The following CNTN4 variants were observed in gnomAD, a reference collection of about 807,000 sequenced individuals.
CNTN4 encodes contactin-4.
CNTN4 carries 77 observed loss-of-function variants against 122.5 expected under a neutral mutation model. The observed-to-expected ratio is 0.63, with a 90% CI of 0.52 to 0.76. The LOEUF (loss-of-function observed/expected upper bound fraction) is 0.76, where lower values mean the gene tolerates loss of function less well. Ranked by LOEUF, CNTN4 falls within the 30% of genes least tolerant of loss-of-function variation. The pLI, the probability that CNTN4 is intolerant of heterozygous loss-of-function variation, is 0.00. For synonymous variants in CNTN4, 512 were observed against 447.0 expected (o/e 1.15, Z -1.83); for missense variants, 1,256 against 1,259.1 (o/e 1.00, Z 0.04).
At chr3:2,658,763 G>A (rs1032030084) in intron 4 of CNTN4, among the ~76,000 whole-genome samples, 2 of 152,042 alleles carry the variant, frequency 1.3e-5, no homozygotes, top group African/African-American at 4.8e-5. Flanking sequence ...TTAGAGAGGT[G>A]GAGTGACTTG....
intron 6 of CNTN4, among the ~76,000 whole-genome samples, chr3:2,747,253 CA>C (rs1211230142): frequency 8.6e-5 from 13 of 150,894 alleles, no homozygotes; most frequent in Non-Finnish European, 1.6e-4. Flanking sequence ...ACTAAAAATA[CA>C]AAAAATTAGC....
chr3:2,874,433 T>G (rs902158965), intron 8 of CNTN4, among the ~76,000 whole-genome samples: 1 of 152,194 alleles, frequency 6.6e-6, no homozygotes, highest in Non-Finnish European at 1.5e-5. Flanking sequence ...CAGAGGTGTT[T>G]AGCCTAGAAT....
rs146061749 is a variant in CNTN4, at chr3:2,535,532, C to A, written c.-88-35884C>A. 8.0e-3 allele frequency among the ~76,000 whole-genome samples: 1,221 copies of A among 152,220 alleles called. 13 individuals are homozygous for A. The highest frequency in any genetic ancestry group is 0.028 in the African/African-American group (1,159 of 41,544). On this transcript the variant is annotated intron_variant, in intron 3 of 24. Transcript: ENST00000418658. ...TGACGTCAAGGCCCTCCACTTGCCTCTTTAGAGACTTGCTTGCTTTTTGTT... is the reference window on the plus strand; with the variant it reads ...TGACGTCAAGGCCCTCCACTTGCCTATTTAGAGACTTGCTTGCTTTTTGTT...
At chr3:2,797,815 G>A (rs1425004163) in intron 6 of CNTN4, among the ~76,000 whole-genome samples, 3 of 151,744 alleles carry the variant, frequency 2.0e-5, no homozygotes, top group Non-Finnish European at 2.9e-5. Flanking sequence ...AAAATTCTAG[G>A]GTGTTAACAA....
chr3:2,170,220 T>C (rs554392527), intron 2 of CNTN4, among the ~76,000 whole-genome samples: 2 of 151,708 alleles, frequency 1.3e-5, no homozygotes, highest in East Asian at 3.9e-4. Context: ...CTCGGGAGGC[T>C]GAGGCGGGAG....
intron 3 of CNTN4, among the ~76,000 whole-genome samples, chr3:2,562,975 G>C (rs571948423): frequency 1.3e-5 from 2 of 152,128 alleles, no homozygotes; most frequent in East Asian, 3.9e-4. Flanking sequence ...CAGTCCTCCT[G>C]CCTCAGCTTC....
chr3:2,715,841 TA>T (rs1454511362), intron 4 of CNTN4, among the ~76,000 whole-genome samples: 1 of 152,222 alleles, frequency 6.6e-6, no homozygotes, highest in African/African-American at 2.4e-5. Flanking sequence ...CATTTAACCT[TA>T]ATTACTTCCT....
intron 2 of CNTN4, among the ~76,000 whole-genome samples, chr3:2,248,944 G>C (rs1037606747): frequency 6.6e-6 from 1 of 151,794 alleles, no homozygotes; most frequent in Non-Finnish European, 1.5e-5. Flanking sequence ...GTATTCCCTC[G>C]TACCCTCCAA....
At chr3:3,054,457 A>G (rs569674885) in intron 24 of CNTN4, among the ~76,000 whole-genome samples, 1 of 152,232 alleles carries the variant, frequency 6.6e-6, no homozygotes, top group Non-Finnish European at 1.5e-5. Context: ...ATCAATGTGT[A>G]TGTCTCTCTA....
chr3:2,971,607 A>G (rs549232896), intron 13 of CNTN4, among the ~76,000 whole-genome samples: 4 of 152,212 alleles, frequency 2.6e-5, no homozygotes, highest in African/African-American at 4.8e-5. Flanking sequence ...ATTAAAGTAT[A>G]TTGTTTATAG....
intron 13 of CNTN4, 133 bp from the exon 14 acceptor site, chr3:2,988,212 G>A: frequency 2.5e-6 from 2 of 808,164 alleles, no homozygotes; most frequent in Non-Finnish European, 4.2e-6. Context: ...AAATAAAGAT[G>A]AGGCTGTCAT....
Position 2,314,244 on chromosome 3 carries a change from A to T in CNTN4, c.-144-24934A>T, listed in dbSNP as rs1391563247. Reference sequence around the variant, plus strand: ...TAAATATGATACAGAATTTAGTTTCATGCACACACATACATATGTATATAT... The same window carrying T: ...TAAATATGATACAGAATTTAGTTTCTTGCACACACATACATATGTATATAT... On this transcript the variant is annotated intron_variant, in intron 2 of 24. Transcript: ENST00000418658. Among the ~76,000 whole-genome samples the T allele has an allele frequency of 2.0e-5, 3 of 152,144 alleles. No homozygotes were observed. In the East Asian group the frequency reaches 5.8e-4, roughly 29 times the overall value.
At chr3:2,738,970 TGAA>T (rs1327083399) in intron 5 of CNTN4, among the ~76,000 whole-genome samples, 2 of 152,080 alleles carry the variant, frequency 1.3e-5, no homozygotes, top group South Asian at 2.1e-4. Context: ...GCTGTAAACT[TGAA>T]GAAGATTTTT....
chr3:2,571,747 A>G (rs2079430439), intron 4 of CNTN4, among the ~76,000 whole-genome samples, 189 bp downstream of exon 4: 1 of 152,168 alleles, frequency 6.6e-6, no homozygotes, highest in Admixed American at 6.5e-5. Context: ...ATGGTGTTGT[A>G]TCCAGAGATA....
At chr3:2,994,391 G>C (rs1695333990) in intron 14 of CNTN4, among the ~76,000 whole-genome samples, 1 of 151,018 alleles carries the variant, frequency 6.6e-6, no homozygotes, top group Admixed American at 6.6e-5. Flanking sequence ...AGCTTTAATA[G>C]AAAAGAAGTC....
At chr3:2,429,887 G>A (rs562387735) in intron 3 of CNTN4, among the ~76,000 whole-genome samples, 4 of 152,250 alleles carry the variant, frequency 2.6e-5, no homozygotes, top group South Asian at 4.1e-4. Flanking sequence ...CAAGCCACGC[G>A]CGGGATATAA....
intron 12 of CNTN4, among the ~76,000 whole-genome samples, chr3:2,923,536 A>G (rs73114673): frequency 2.0e-5 from 3 of 152,338 alleles, no homozygotes; most frequent in African/African-American, 7.2e-5. Flanking sequence ...GAAAATACCT[A>G]CTGCACATGA....
rs71058630 is a variant in CNTN4, at chr3:2,600,008, C to CTTTTTTT, written c.55+28471_55+28477dup. Among the ~76,000 whole-genome samples the CTTTTTTT allele has an allele frequency of 7.2e-5, 3 of 41,744 alleles. 1 individual carries two copies. Among genetic ancestry groups the CTTTTTTT allele is most frequent in the East Asian group, 2.1e-3 (2 of 952 alleles). 27.4% of individuals were successfully genotyped at this position (41,744 alleles called of 152,430 possible). A position where few individuals can be genotyped will look rare whatever the true frequency, so the allele number is the denominator to read the frequency against. On this transcript the variant is annotated intron_variant, in intron 4 of 24. Coordinates refer to ENST00000418658, the MANE Select transcript of CNTN4 (RefSeq NM_175607.3). ...CTCTATTTTGGTTTATGGAATTCTTCTTTTTTTTTTTTTTTTTTTTTTTTT... is the reference window on the plus strand; with the variant it reads ...CTCTATTTTGGTTTATGGAATTCTTCTTTTTTTTTTTTTTTTTTTTTTTTTTTTTTTT...
At chr3:2,848,046 C>T (rs1346007996) in intron 7 of CNTN4, among the ~76,000 whole-genome samples, 2 of 152,094 alleles carry the variant, frequency 1.3e-5, no homozygotes, top group South Asian at 2.1e-4. Context: ...ACTGCCTGAA[C>T]CCAGGAGCCT....
Sources: gnomAD v4.1 joint callset for allele counts (sites outside exome capture counted in the v4.1 genomes callset) on GRCh38, gnomAD v4.1.1 for gene constraint, MANE v1.5 for transcripts, NCBI Gene and HGNC (gene_info 2026-07-23, HGNC 2026-07-21) for gene names.